Variants in TRIM14 observed in about 807,000 individuals in gnomAD.
The protein encoded by TRIM14 is tripartite motif-containing protein 14.
Under a neutral mutation model 44.5 loss-of-function variants are expected in TRIM14, and 28 were observed. The ratio of observed to expected loss-of-function variants is 0.63; its 90% CI spans 0.47 to 0.86. The LOEUF is 0.86. TRIM14 is among the 40% of genes least tolerant of loss of function. The pLI is 0.00. For missense variants in TRIM14, 607 were observed against 611.1 expected (o/e 0.99, Z 0.07); for synonymous variants, 299 against 269.2 (o/e 1.11, Z -1.08).
At chr9:98,094,055 T>TTATAGCAG (rs1442794702) in intron 4 of TRIM14, among the ~76,000 whole-genome samples, 1 of 152,160 alleles carries the variant, frequency 6.6e-6, no homozygotes, top group Non-Finnish European at 1.5e-5. Context: ...TTATTATTCT[T>TTATAGCAG]TATAGCAGTA....
chr9:98,101,101 G>A (rs1479529111), intron 2 of TRIM14, among the ~76,000 whole-genome samples: 1 of 151,448 alleles, frequency 6.6e-6, no homozygotes, highest in African/African-American at 2.4e-5. Context: ...TCAGCCTCCT[G>A]AGTAGCTGGG....
chr9:98,059,625 G>A, the TRIM14 span, among the ~76,000 whole-genome samples: 2 of 152,156 alleles, frequency 1.3e-5, no homozygotes, highest in South Asian at 2.1e-4. Flanking sequence ...ATGTTGCCGA[G>A]GCTGGTCTTG....
chr9:98,077,159 C>T (rs78101672), intron 6 of TRIM14: 93 of 649,480 alleles, frequency 1.4e-4, no homozygotes, highest in East Asian at 1.4e-3. Flanking sequence ...GATAGGGTCT[C>T]GCTGTGTTGG....
chr9:98,072,720 T>C lies in TRIM14; in HGVS notation c.*29-3033A>G, dbSNP rs374407896. Among the ~76,000 whole-genome samples, 28 of 152,290 alleles carry C rather than the reference T, an allele frequency of 1.8e-4. 1 individual carries two copies. In the East Asian group the frequency reaches 4.6e-3, roughly 25 times the overall value. On this transcript the variant is annotated intron_variant, in intron 6 of 6. Coordinates refer to the TRIM14 transcript ENST00000375098. ...CACCGTGCCCGGCAGGAAAGTGCAT[T>C]CTTTAAGAGCCTTTACGAGAGTTAA...
chr9:98,069,879 A>G (rs1829261313), intron 6 of TRIM14, among the ~76,000 whole-genome samples: 1 of 152,174 alleles, frequency 6.6e-6, no homozygotes, highest in African/African-American at 2.4e-5. Context: ...ATATAATTAA[A>G]TATAGGCACA....
chr9:98,114,222 A>G (rs1246720406), intron 1 of TRIM14, among the ~76,000 whole-genome samples: 7 of 152,384 alleles, frequency 4.6e-5, no homozygotes, highest in Non-Finnish European at 7.3e-5. Flanking sequence ...TGTTATCAGT[A>G]TATCATTATC....
chr9:98,074,614 T>C (rs1829499786), intron 6 of TRIM14: 1 of 152,184 alleles, frequency 6.6e-6, no homozygotes, highest in Non-Finnish European at 1.5e-5. Flanking sequence ...GCCCCTTCCC[T>C]TTCCAGCAGG....
At chr9:98,049,396 C>T in the TRIM14 span, among the ~76,000 whole-genome samples, 1 of 146,788 alleles carries the variant, frequency 6.8e-6, no homozygotes, top group Non-Finnish European at 1.5e-5. Flanking sequence ...AGAGCACCCC[C>T]AAGGGCTGCT....
In TRIM14 at chr9:98,094,876, G is replaced by C; in HGVS notation, c.691C>G (p.Leu231Val). 1 of 1,613,900 alleles carries C rather than the reference G, an allele frequency of 6.2e-7. No individual in the cohort carries two copies. The highest frequency in any genetic ancestry group is 8.5e-7 in the Non-Finnish European group (1 of 1,179,866). ...STLQTPLDIR[L>V]KESINCQLSD... ...TCACTCGGCGACTTACTTTCCTTAA[G>C]GCGAATGTCCAATGGCGTCTGTAAT... Residue 231 changes from leucine to valine, a missense_variant, in exon 4 of 6, where the codon CTT becomes GTT. By Grantham distance (32) the Leu-to-Val change is conservative. Coordinates refer to ENST00000341469, the MANE Select transcript of TRIM14 (RefSeq NM_014788.4).
chr9:98,076,945 A>G, intron 6 of TRIM14: 1 of 1,612,344 alleles, frequency 6.2e-7, no homozygotes, highest in Non-Finnish European at 8.5e-7. Flanking sequence ...GCATGAACTG[A>G]ATGTTCCATT....
the TRIM14 span, chr9:98,056,647 A>G: frequency 4.4e-5 from 47 of 1,076,688 alleles, 1 homozygote; most frequent in South Asian, 8.0e-4. Flanking sequence ...GGCTGTCGGG[A>G]GAGAGGCGGG....
At chr9:98,039,200 G>C in the TRIM14 span, among the ~76,000 whole-genome samples, 1 of 152,052 alleles carries the variant, frequency 6.6e-6, no homozygotes, top group Non-Finnish European at 1.5e-5. Context: ...GCCCAGGCTG[G>C]AGTGCAGTAG....
chr9:98,051,031 C>T, the TRIM14 span, among the ~76,000 whole-genome samples: 1 of 152,146 alleles, frequency 6.6e-6, no homozygotes, highest in Admixed American at 6.5e-5. Flanking sequence ...GCCTTGGCCT[C>T]CCAAAGTGCT....
chr9:98,068,828 TAA>T (rs35363398), downstream of TRIM14, among the ~76,000 whole-genome samples: 44,384 of 143,034 alleles, frequency 0.31, 8,479 homozygotes, highest in African/African-American at 0.55. Flanking sequence ...ATCCTGTCTC[TAA>T]AAAAAAAAAA....
the TRIM14 span, among the ~76,000 whole-genome samples, chr9:98,053,802 AAAATAAATAAAT>A: frequency 1.4e-5 from 2 of 146,356 alleles, no homozygotes; most frequent in East Asian, 2.0e-4. Context: ...AGCCCACTAC[AAAATAAATAAAT>A]AAATAAATAA....
chr9:98,074,755 T>C (rs554888548), intron 6 of TRIM14: 171 of 152,066 alleles, frequency 1.1e-3, no homozygotes, highest in African/African-American at 4.0e-3. Flanking sequence ...GCCCCTCTCT[T>C]GGGGGGGTTT....
chr9:98,089,245 C>T (rs957401548), intron 5 of TRIM14, among the ~76,000 whole-genome samples: 4 of 151,806 alleles, frequency 2.6e-5, no homozygotes, highest in Non-Finnish European at 4.4e-5. Context: ...GGTGTGATCT[C>T]GACTCACTGC....
Position 98,100,116 on chromosome 9 carries a change from G to A in TRIM14, c.352C>T (p.Leu118Phe), listed in dbSNP as rs954595898. The A allele has an allele frequency of 1.2e-6, 2 of 1,614,056 alleles. No homozygotes were observed. Among genetic ancestry groups the A allele is most frequent in the East Asian group, 2.2e-5 (1 of 44,898 alleles). The change falls in exon 3 of 6, where the codon CTC becomes TTC. Residue 118 changes from leucine (L) to phenylalanine (F), a missense_variant. By Grantham distance (22) the Leu-to-Phe change is conservative (BLOSUM62 0). Around this residue, in one of 3 missense-constraint regions of TRIM14, gnomAD observed 246 missense variants for 270.8 expected, o/e 0.91. Transcript: ENST00000341469. ...KTWLKGKFTE[L>F]RLLLDEEEAL... ...TCCTCTTCGTCAAGTAGTAATCTGA[G>A]TTCAGTGAATTTCCCCTTCAGCCAG...
chr9:98,088,248 T>C (rs1265689171), intron 5 of TRIM14, among the ~76,000 whole-genome samples: 1 of 152,234 alleles, frequency 6.6e-6, no homozygotes, highest in South Asian at 2.1e-4. Flanking sequence ...TGAAATTTGT[T>C]GCCAATTAAT....
Sources: allele counts gnomAD v4.1 joint callset (sites outside exome capture counted in the v4.1 genomes callset), GRCh38; gene constraint gnomAD v4.1.1; regional missense constraint gnomAD v4.1.1; transcripts MANE v1.5; gene names NCBI Gene and HGNC (gene_info 2026-07-23, HGNC 2026-07-21).